The following GRB10 variants were observed in gnomAD, a reference collection of about 807,000 sequenced individuals.
The protein encoded by GRB10 is growth factor receptor-bound protein 10.
In GRB10, 20 loss-of-function variants were observed where a neutral mutation model predicts 80.9. The ratio of observed to expected loss-of-function variants is 0.25; its 90% CI spans 0.17 to 0.36. The LOEUF is 0.36. Ranked by LOEUF, GRB10 falls within the 10% of genes least tolerant of loss-of-function variation. The pLI is 1.00. For missense variants in GRB10, 548 were observed against 747.7 expected, an observed-to-expected ratio of 0.73 and a Z score of 3.12; for synonymous variants, 291 against 291.5, an observed-to-expected ratio of 1.00 and a Z score of 0.02.
At chr7:50,755,763 A>C (rs1457878962) in intron 3 of GRB10, 124 bp downstream of exon 3, 1 of 397,360 alleles carries the variant, frequency 2.5e-6, no homozygotes. Context: ...CCTTGGAATA[A>C]AGGTTCTAGT....
At chr7:50,609,383 G>T (rs1255110001) in intron 13 of GRB10, among the ~76,000 whole-genome samples, 1 of 152,194 alleles carries the variant, frequency 6.6e-6, no homozygotes, top group African/African-American at 2.4e-5. Flanking sequence ...TCTGGGGCAA[G>T]GAGCATTGCT....
chr7:50,646,911 G>A (rs1025322903), intron 7 of GRB10, among the ~76,000 whole-genome samples: 11 of 152,190 alleles, frequency 7.2e-5, no homozygotes, highest in Non-Finnish European at 1.3e-4. Context: ...AAGGCCGGTG[G>A]GGCCAGATAG....
intron 7 of GRB10, among the ~76,000 whole-genome samples, chr7:50,638,745 T>C (rs1428313297): frequency 6.6e-6 from 1 of 152,214 alleles, no homozygotes; most frequent in Non-Finnish European, 1.5e-5. Flanking sequence ...CTACTGGGCA[T>C]GTATGCAAAG....
At chr7:50,667,563 T>C (rs2059938760) in intron 7 of GRB10, among the ~76,000 whole-genome samples, 1 of 151,806 alleles carries the variant, frequency 6.6e-6, no homozygotes, top group South Asian at 2.1e-4. Flanking sequence ...CTGGAGGTTG[T>C]CCAGCACTTG....
intron 14 of GRB10, 119 bp downstream of exon 14, chr7:50,606,218 A>T: frequency 1.2e-6 from 1 of 856,936 alleles, no homozygotes; most frequent in Non-Finnish European, 2.0e-6. Context: ...CTTCCCTGAA[A>T]TGCACACACA....
At chr7:50,689,264 G>A (rs907958803) in intron 5 of GRB10, among the ~76,000 whole-genome samples, 3 of 152,210 alleles carry the variant, frequency 2.0e-5, no homozygotes, top group African/African-American at 7.2e-5. Flanking sequence ...GTTATGCAAA[G>A]GTACTTTCAG....
chr7:50,632,527 G>C (rs1476556175), intron 7 of GRB10, among the ~76,000 whole-genome samples: 1 of 152,154 alleles, frequency 6.6e-6, no homozygotes, highest in East Asian at 1.9e-4. Flanking sequence ...TTCAAGGGGT[G>C]GCATGGGAGC....
Position 50,705,258 on chromosome 7 carries a change from C to A in GRB10, c.52-1350G>T, listed in dbSNP as rs912859817. The A allele has an allele frequency of 6.3e-5, 62 of 985,748 alleles. No individual in the cohort carries two copies. In the African/African-American group the frequency reaches 1.0e-3, roughly 17 times the overall value. The allele number at this position is 985,748 out of a possible 1,614,324, so 61.1% of individuals were successfully genotyped here. On this transcript the variant is annotated intron_variant, in intron 4 of 18. Transcript: ENST00000401949. ...AGCAGGGTCAGCTCACCCACATCTA[C>A]CACTTAGAAGGAGGATGTTTGTTCC...
In GRB10 at chr7:50,722,728, C is replaced by T. The variant is rs142055906; in HGVS notation, c.51+9544G>A. Among the ~76,000 whole-genome samples the T allele has an allele frequency of 3.7e-4, 56 of 152,178 alleles. No individual in the cohort carries two copies. In the South Asian group the frequency reaches 6.4e-3, roughly 17 times the overall value. ...ATGAGGTGGGGTGACAGGGTACCGC[C>T]CCCTCTCCTTCCCCGACATTACTTA... On this transcript the variant is annotated intron_variant, in intron 4 of 18. Coordinates refer to ENST00000401949, the MANE Select transcript of GRB10 (RefSeq NM_001350814.2).
At chr7:50,616,071 A>C (rs1057336805) in intron 11 of GRB10, 139 bp downstream of exon 11, 5 of 945,064 alleles carry the variant, frequency 5.3e-6, no homozygotes, top group Non-Finnish European at 8.3e-6. Context: ...GCTGCTGCAC[A>C]ATTAGCTTAT....
chr7:50,698,756 T>C (rs922097162), intron 5 of GRB10, among the ~76,000 whole-genome samples: 3 of 152,264 alleles, frequency 2.0e-5, no homozygotes, highest in Non-Finnish European at 2.9e-5. Flanking sequence ...CCTTGTTGTT[T>C]TTCAAATTTG....
chr7:50,773,697 ATATATACAAAAACAT>A, intron 2 of GRB10, among the ~76,000 whole-genome samples: 9 of 152,206 alleles, frequency 5.9e-5, no homozygotes. Flanking sequence ...TAATCTAGAC[ATATATACAAAAACAT>A]GGAAAGCAAG....
At chr7:50,740,704 G>A (rs548633200) in intron 3 of GRB10, among the ~76,000 whole-genome samples, 6 of 149,818 alleles carry the variant, frequency 4.0e-5, no homozygotes, top group Non-Finnish European at 8.9e-5. Context: ...AACATCAAAG[G>A]GAAAATAGAT....
At position 50,679,061 on chromosome 7, in the gene GRB10, G is replaced by A. The variant is rs181766930; in HGVS notation, c.140-4403C>T. Among the ~76,000 whole-genome samples, 21 of 152,300 alleles carry A rather than the reference G, an allele frequency of 1.4e-4. 1 individual carries two copies. In the East Asian group the frequency reaches 4.0e-3, roughly 29 times the overall value. On this transcript the variant is annotated intron_variant, in intron 5 of 18. Coordinates refer to ENST00000401949, the MANE Select transcript of GRB10 (RefSeq NM_001350814.2). ...TCACTTCAGACGGATTTATAAGAAT[G>A]TATTTTCTGCACAAATATAGGTCAA...
At chr7:50,660,034 G>A (rs776326399) in intron 7 of GRB10, among the ~76,000 whole-genome samples, 22 of 152,124 alleles carry the variant, frequency 1.4e-4, no homozygotes, top group Non-Finnish European at 2.5e-4. Context: ...TATCCTCCCT[G>A]GGCCTCAGGT....
chr7:50,626,279 A>G (rs891126909), intron 8 of GRB10, among the ~76,000 whole-genome samples: 20 of 152,264 alleles, frequency 1.3e-4, no homozygotes, highest in African/African-American at 4.6e-4. Flanking sequence ...AGCCTTATTA[A>G]CCAGCAGGCA....
intron 10 of GRB10, 161 bp downstream of exon 10, chr7:50,617,910 A>G: frequency 1.5e-6 from 1 of 686,270 alleles, no homozygotes; most frequent in Non-Finnish European, 2.6e-6. Flanking sequence ...ATTTCTGGTT[A>G]CTCTAAACCC....
intron 17 of GRB10, among the ~76,000 whole-genome samples, chr7:50,599,619 G>A (rs1355200920): frequency 2.0e-5 from 3 of 152,218 alleles, no homozygotes; most frequent in Non-Finnish European, 4.4e-5. Context: ...CAGGGAGGAC[G>A]GAGAGGAACA....
intron 7 of GRB10, among the ~76,000 whole-genome samples, chr7:50,662,499 C>T (rs1474590250): frequency 6.6e-6 from 1 of 152,196 alleles, no homozygotes; most frequent in Non-Finnish European, 1.5e-5. Flanking sequence ...GGAGGGGGGA[C>T]AGACTCAGAG....
Sources: gnomAD v4.1 joint callset for allele counts (sites outside exome capture counted in the v4.1 genomes callset) on GRCh38, gnomAD v4.1.1 for gene constraint, MANE v1.5 for transcripts, NCBI Gene and HGNC (gene_info 2026-07-23, HGNC 2026-07-21) for gene names.